Variants in PPP2R5E observed in about 807,000 individuals in gnomAD.
PPP2R5E encodes the protein serine/threonine-protein phosphatase 2A 56 kDa regulatory subunit epsilon isoform.
A neutral mutation model predicts 65.3 loss-of-function variants in PPP2R5E; 4 were observed. The observed-to-expected ratio is 0.06, with a 90% CI of 0.03 to 0.14. PPP2R5E has a LOEUF of 0.14. PPP2R5E is among the 10% of genes least tolerant of loss of function. The probability of loss-of-function intolerance (pLI) is 1.00; values close to 1 mark genes in which losing one functional copy is unlikely to be tolerated. For missense variants in PPP2R5E, 274 were observed against 556.1 expected (o/e 0.49, Z 5.10); for synonymous variants, 183 against 187.4 (o/e 0.98, Z 0.19).
intron 3 of PPP2R5E, among the ~76,000 whole-genome samples, chr14:63,429,799 T>A (rs1887530786): frequency 6.6e-6 from 1 of 152,104 alleles, no homozygotes; most frequent in African/African-American, 2.4e-5. Context: ...TTCTCCTGCC[T>A]CAGCTTTCCT....
At chr14:63,505,177 A>C (rs1594950395) in intron 2 of PPP2R5E, among the ~76,000 whole-genome samples, 1 of 152,158 alleles carries the variant, frequency 6.6e-6, no homozygotes, top group East Asian at 1.9e-4. Flanking sequence ...TCTACTAAAA[A>C]TACAAAAATT....
chr14:63,387,621 C>T (rs774077952), intron 11 of PPP2R5E, among the ~76,000 whole-genome samples: 1 of 152,190 alleles, frequency 6.6e-6, no homozygotes, highest in African/African-American at 2.4e-5. Flanking sequence ...AAATAAGAGC[C>T]TCTTCCCTTT....
chr14:63,423,385 C>T (rs1270281994), intron 3 of PPP2R5E, among the ~76,000 whole-genome samples: 1 of 152,216 alleles, frequency 6.6e-6, no homozygotes, highest in African/African-American at 2.4e-5. Context: ...GCGTGAGACA[C>T]CACACCTGGC....
At chr14:63,411,843 T>C (rs534400795) in intron 5 of PPP2R5E, among the ~76,000 whole-genome samples, 3 of 152,088 alleles carry the variant, frequency 2.0e-5, no homozygotes, top group Admixed American at 1.3e-4. Flanking sequence ...ATGAACCAAA[T>C]ACACCTCTTT....
Position 63,520,153 on chromosome 14 carries a change from A to G in PPP2R5E, c.157+19376T>C, listed in dbSNP as rs550991284. On this transcript the variant is annotated intron_variant, in intron 2 of 13. Transcript: ENST00000337537. ...CGGGTTCACGCCATTCTCCCGCCTCAGCCTCTGGAGTAGCTGGGACTACTG... is the reference window on the plus strand; with the variant it reads ...CGGGTTCACGCCATTCTCCCGCCTCGGCCTCTGGAGTAGCTGGGACTACTG... 2.0e-5 allele frequency among the ~76,000 whole-genome samples: 3 copies of G among 152,124 alleles called. No homozygotes were observed. The South Asian group carries it at 6.2e-4, about 32-fold the overall frequency.
At chr14:63,478,495 C>T (rs191773407) in intron 2 of PPP2R5E, among the ~76,000 whole-genome samples, 1 of 152,276 alleles carries the variant, frequency 6.6e-6, no homozygotes, top group East Asian at 1.9e-4. Context: ...ATCTCTTTAA[C>T]ATCTGGCTTA....
At chr14:63,413,856 G>A (rs936747567) in intron 5 of PPP2R5E, among the ~76,000 whole-genome samples, 1 of 152,100 alleles carries the variant, frequency 6.6e-6, no homozygotes, top group African/African-American at 2.4e-5. Context: ...TAAAGTGTGA[G>A]CCAGGATTCA....
chr14:63,410,679 A>G (rs903266679), intron 5 of PPP2R5E, among the ~76,000 whole-genome samples: 6 of 152,202 alleles, frequency 3.9e-5, no homozygotes, highest in African/African-American at 1.4e-4. Flanking sequence ...AAAGGACAGG[A>G]GGCCAACTTA....
chr14:63,510,225 A>G (rs1892394560), intron 2 of PPP2R5E, among the ~76,000 whole-genome samples: 1 of 152,200 alleles, frequency 6.6e-6, no homozygotes, highest in Non-Finnish European at 1.5e-5. Context: ...CTCCAGCCCA[A>G]CAACAATGGG....
rs1415557164 is a variant in PPP2R5E, at chr14:63,445,012, G to A, written c.354+8677C>T. Among the ~76,000 whole-genome samples the A allele has an allele frequency of 3.5e-4, 53 of 152,160 alleles. 1 individual carries two copies. Among genetic ancestry groups the A allele is most frequent in the Admixed American group, 3.3e-3 (50 of 15,276 alleles). ...TTCTTAGACTGTGTTGATCAAAAGA[G>A]GTGTTAGTTTTCAGAAATGGAAAGA... On this transcript the variant is annotated intron_variant, in intron 3 of 13. Transcript: ENST00000337537.
chr14:63,530,225 C>CG (rs1211462131), intron 2 of PPP2R5E, among the ~76,000 whole-genome samples: 2 of 127,758 alleles, frequency 1.6e-5, no homozygotes, highest in African/African-American at 6.7e-5. Flanking sequence ...GAAATTTTTC[C>CG]GTTTTTTTTT....
intron 2 of PPP2R5E, among the ~76,000 whole-genome samples, chr14:63,479,978 T>A (rs1890610323): frequency 6.6e-6 from 1 of 152,190 alleles, no homozygotes; most frequent in African/African-American, 2.4e-5. Context: ...CCACAAAGAA[T>A]TTTTGCTTTG....
At chr14:63,422,240 C>T in intron 3 of PPP2R5E, 146 bp from the exon 4 acceptor site, 1 of 663,302 alleles carries the variant, frequency 1.5e-6, no homozygotes, top group East Asian at 2.7e-5. Context: ...TCTATAGGCT[C>T]TGAGGTGGGG....
At chr14:63,439,375 T>C (rs911650536) in intron 3 of PPP2R5E, among the ~76,000 whole-genome samples, 3 of 152,032 alleles carry the variant, frequency 2.0e-5, no homozygotes, top group African/African-American at 7.2e-5. Context: ...TTGTTTTTGT[T>C]TTTGTTTCTG....
intron 5 of PPP2R5E, among the ~76,000 whole-genome samples, chr14:63,409,886 C>T (rs912192532): frequency 6.6e-6 from 1 of 152,226 alleles, no homozygotes; most frequent in Non-Finnish European, 1.5e-5. Context: ...GAAAGTCATA[C>T]TGCAAGTAGG....
At chr14:63,408,832 C>A (rs907118987) in intron 5 of PPP2R5E, among the ~76,000 whole-genome samples, 1 of 152,174 alleles carries the variant, frequency 6.6e-6, no homozygotes, top group African/African-American at 2.4e-5. Flanking sequence ...CACAGTGACT[C>A]GCCTGTATTG....
intron 5 of PPP2R5E, 83 bp from the exon 6 acceptor site, chr14:63,396,799 T>G: frequency 3.3e-6 from 5 of 1,518,098 alleles, no homozygotes; most frequent in Non-Finnish European, 4.5e-6. Flanking sequence ...AATCCCCTTC[T>G]TCCTTCCTCA....
chr14:63,490,871 T>C (rs1023470988), intron 2 of PPP2R5E, among the ~76,000 whole-genome samples: 2 of 152,076 alleles, frequency 1.3e-5, no homozygotes, highest in East Asian at 3.9e-4. Context: ...GACCCAGCAA[T>C]TCCATTACCG....
At chr14:63,487,141 A>T (rs1437333988) in intron 2 of PPP2R5E, among the ~76,000 whole-genome samples, 1 of 152,204 alleles carries the variant, frequency 6.6e-6, no homozygotes, top group Non-Finnish European at 1.5e-5. Context: ...AATATTTCCT[A>T]CCTTAGGAAG....
Sources: allele counts gnomAD v4.1 joint callset (sites outside exome capture counted in the v4.1 genomes callset), GRCh38; gene constraint gnomAD v4.1.1; transcripts MANE v1.5; gene names NCBI Gene and HGNC (gene_info 2026-07-23, HGNC 2026-07-21).